Variants in MBNL1 observed in about 807,000 individuals in gnomAD.
MBNL1 encodes the protein muscleblind-like protein 1.
In MBNL1, 8 loss-of-function variants were observed where a neutral mutation model predicts 42.2. That is an observed-to-expected ratio of 0.19 (90% CI 0.11 to 0.34). The LOEUF (loss-of-function observed/expected upper bound fraction) is 0.34. MBNL1 is among the 10% of genes least tolerant of loss of function. The pLI is 1.00. For missense variants in MBNL1, 309 were observed against 495.3 expected (o/e 0.62, Z 3.57); for synonymous variants, 169 against 173.9 (o/e 0.97, Z 0.22).
intron 3 of MBNL1, among the ~76,000 whole-genome samples, chr3:152,420,477 G>T (rs1246479299): frequency 1.3e-5 from 2 of 152,258 alleles, no homozygotes; most frequent in East Asian, 1.9e-4. Context: ...AGGCAAACAG[G>T]GTCTTGAGTG....
At chr3:152,326,639 A>G (rs1246396929) in intron 2 of MBNL1, among the ~76,000 whole-genome samples, 5 of 152,064 alleles carry the variant, frequency 3.3e-5, no homozygotes, top group African/African-American at 9.7e-5. Context: ...CATAGTTTAT[A>G]TCAGAAAAAG....
At chr3:152,442,083 G>A (rs1041718473) in intron 4 of MBNL1, among the ~76,000 whole-genome samples, 70 of 152,216 alleles carry the variant, frequency 4.6e-4, no homozygotes, top group Non-Finnish European at 1.6e-4. Context: ...TTGAGCCACC[G>A]CGCCCAGTCA....
chr3:152,395,377 G>A (rs545505834), intron 2 of MBNL1, among the ~76,000 whole-genome samples: 127 of 152,164 alleles, frequency 8.3e-4, no homozygotes, highest in Non-Finnish European at 1.6e-3. Flanking sequence ...CAACTGTTGC[G>A]CTGTTTATCA....
At chr3:152,339,597 A>G (rs2092558442) in intron 2 of MBNL1, 1 of 151,620 alleles carries the variant, frequency 6.6e-6, no homozygotes, top group African/African-American at 2.4e-5. Flanking sequence ...TTTTTCGCCC[A>G]TTTGTTTTCT....
rs1284365010 is a variant in MBNL1, at chr3:152,252,130, A to ACCTCCCTT, written n.333+7693_333+7694insCCCTTCCT. On this transcript the variant is annotated intron_variant and non_coding_transcript_variant, in intron 2 of 2. Coordinates refer to the MBNL1 transcript ENST00000477171. ...AGCCCATCCATTCTAGAACAAACTA[A>ACCTCCCTT]CCTACCTTCCTTCCTTCCTTCCTTC... 2.8e-5 allele frequency among the ~76,000 whole-genome samples: 3 copies of ACCTCCCTT among 107,784 alleles called. No individual in the cohort carries two copies. In the East Asian group the frequency reaches 8.4e-4, roughly 30 times the overall value. The allele number at this position is 107,784 out of a possible 152,430, so 70.7% of individuals were successfully genotyped here.
At chr3:152,264,241 A>G (rs1300868200), upstream of MBNL1, 1 of 152,224 alleles carries the variant, frequency 6.6e-6, no homozygotes, top group Non-Finnish European at 1.5e-5. Flanking sequence ...CTGTAACCAC[A>G]GTACCTAGAA....
At chr3:152,309,003 T>C (rs933131963) in intron 2 of MBNL1, among the ~76,000 whole-genome samples, 10 of 152,202 alleles carry the variant, frequency 6.6e-5, no homozygotes, top group African/African-American at 2.4e-4. Context: ...AGGAGCCGGT[T>C]ACTAACAGGG....
chr3:152,417,737 A>C (rs1476584607), intron 3 of MBNL1, among the ~76,000 whole-genome samples: 1 of 152,190 alleles, frequency 6.6e-6, no homozygotes. Flanking sequence ...ATAGTAGTTT[A>C]CCTGCTCCAT....
intron 3 of MBNL1, among the ~76,000 whole-genome samples, chr3:152,417,341 A>T (rs575800614): frequency 6.6e-6 from 1 of 152,338 alleles, no homozygotes; most frequent in African/African-American, 2.4e-5. Flanking sequence ...ACTAATGTGG[A>T]AAAGGGTTGC....
At chr3:152,256,056 G>C (rs895222379) in intron 2 of MBNL1, among the ~76,000 whole-genome samples, 2 of 152,172 alleles carry the variant, frequency 1.3e-5, no homozygotes, top group Non-Finnish European at 2.9e-5. Flanking sequence ...TTGCAAGGAC[G>C]TGCACGTGTC....
intron 2 of MBNL1, among the ~76,000 whole-genome samples, chr3:152,387,587 T>C (rs1395478393): frequency 1.3e-5 from 2 of 152,136 alleles, no homozygotes; most frequent in African/African-American, 2.4e-5. Context: ...TGTTCCTTTC[T>C]CATATATCAT....
At chr3:152,287,897 G>T (rs2053503724) in intron 1 of MBNL1, among the ~76,000 whole-genome samples, 1 of 152,112 alleles carries the variant, frequency 6.6e-6, no homozygotes. Flanking sequence ...AGAACCTTAT[G>T]TGCAATTAAA....
At chr3:152,293,580 T>C (rs1200081241) in intron 1 of MBNL1, among the ~76,000 whole-genome samples, 1 of 152,210 alleles carries the variant, frequency 6.6e-6, no homozygotes, top group Non-Finnish European at 1.5e-5. Context: ...AACTCCAAAC[T>C]TACAGGGTGA....
At chr3:152,438,593 C>T (rs1214882139) in intron 4 of MBNL1, among the ~76,000 whole-genome samples, 1 of 152,188 alleles carries the variant, frequency 6.6e-6, no homozygotes, top group African/African-American at 2.4e-5. Context: ...ATTAGAATCA[C>T]ATGGGGTGAT....
rs1491161724 is a variant in MBNL1, at chr3:152,282,343, CAT to C, written c.-790+13252_-790+13253del. The stretch of plus-strand genomic sequence containing the variant: ...TTTAAGTACCAAGAATTCTTAGGGA[CAT>C]GTGTGTGTGTGTGTATTCAGATTAA... On this transcript the variant is annotated intron_variant, in intron 1 of 9. Coordinates refer to ENST00000324210, the MANE Select transcript of MBNL1 (RefSeq NM_021038.5). 3.9e-5 allele frequency among the ~76,000 whole-genome samples: 6 copies of C among 151,964 alleles called. No individual in the cohort carries two copies. The South Asian group carries it at 6.2e-4, about 16-fold the overall frequency.
At chr3:152,344,068 T>TG (rs1243438985) in intron 2 of MBNL1, among the ~76,000 whole-genome samples, 1 of 140,854 alleles carries the variant, frequency 7.1e-6, no homozygotes, top group African/African-American at 2.6e-5. Context: ...GACCTTTTTT[T>TG]GGGGGGTGAC....
chr3:152,389,867 A>T (rs1233815566), intron 2 of MBNL1, among the ~76,000 whole-genome samples: 1 of 151,646 alleles, frequency 6.6e-6, no homozygotes, highest in African/African-American at 2.4e-5. Context: ...CCTTAATGTA[A>T]TTTATTTATT....
At chr3:152,375,796 G>T (rs1479670210) in intron 2 of MBNL1, among the ~76,000 whole-genome samples, 3 of 151,484 alleles carry the variant, frequency 2.0e-5, no homozygotes, top group Non-Finnish European at 4.4e-5. Context: ...TCCAGCCGGG[G>T]TGATGGAGCC....
At chr3:152,450,150 C>T (rs192247699) in intron 6 of MBNL1, among the ~76,000 whole-genome samples, 103 of 145,112 alleles carry the variant, frequency 7.1e-4, no homozygotes, top group African/African-American at 2.1e-3. Flanking sequence ...AATATATATA[C>T]ACACACACAC....
Sources: gnomAD v4.1 joint callset for allele counts (sites outside exome capture counted in the v4.1 genomes callset) on GRCh38, gnomAD v4.1.1 for gene constraint, MANE v1.5 for transcripts, NCBI Gene and HGNC (gene_info 2026-07-23, HGNC 2026-07-21) for gene names.